ZPLD1: variants seen among roughly 807,000 people sequenced by gnomAD.
ZPLD1 encodes the protein zona pellucida like domain containing 1, also known as zona pellucida-like domain-containing protein 1.
Under a neutral mutation model 47.2 loss-of-function variants are expected in ZPLD1, and 34 were observed. The ratio of observed to expected loss-of-function variants is 0.72; its 90% CI spans 0.55 to 0.96. The LOEUF is 0.96. Ranked by LOEUF, ZPLD1 falls within the 40% of genes least tolerant of loss-of-function variation. The probability of loss-of-function intolerance (pLI) is 0.00; values close to 1 mark genes in which losing one functional copy is unlikely to be tolerated. For synonymous variants in ZPLD1, 176 were observed against 186.2 expected, an observed-to-expected ratio of 0.95 and a Z score of 0.45; for missense variants, 512 against 505.8, an observed-to-expected ratio of 1.01 and a Z score of -0.12.
intron 1 of ZPLD1, 111 bp downstream of exon 1, chr3:102,435,265 G>A (rs941276749): frequency 7.4e-6 from 9 of 1,214,992 alleles, no homozygotes; most frequent in Non-Finnish European, 1.1e-5. Flanking sequence ...CAAGACTATA[G>A]AGATTCAAAA....
At chr3:102,433,089 T>C (rs1248352212), upstream of ZPLD1, among the ~76,000 whole-genome samples, 1 of 152,206 alleles carries the variant, frequency 6.6e-6, no homozygotes, top group Non-Finnish European at 1.5e-5. Flanking sequence ...ATAAAAATTT[T>C]TCTGATTGCT....
intron 7 of ZPLD1, among the ~76,000 whole-genome samples, chr3:102,408,780 T>A (rs572853151): frequency 6.6e-6 from 1 of 152,004 alleles, no homozygotes; most frequent in East Asian, 1.9e-4. Context: ...CCCTTTTCAC[T>A]GTTTGACGTT....
At chr3:102,398,508 A>G (rs1706582029) in intron 7 of ZPLD1, among the ~76,000 whole-genome samples, 1 of 152,110 alleles carries the variant, frequency 6.6e-6, no homozygotes, top group Non-Finnish European at 1.5e-5. Context: ...ATAATCTCCT[A>G]ACTGGCCTTT....
intron 7 of ZPLD1, among the ~76,000 whole-genome samples, chr3:102,398,498 A>G (rs1053398420): frequency 1.3e-5 from 2 of 152,108 alleles, no homozygotes; most frequent in Non-Finnish European, 2.9e-5. Context: ...GAAGAATGCA[A>G]TAATCTCCTA....
chr3:102,474,522 CTG>C (rs1442192141), intron 10 of ZPLD1, among the ~76,000 whole-genome samples: 2 of 152,002 alleles, frequency 1.3e-5, no homozygotes, highest in African/African-American at 4.8e-5. Context: ...GAACGTAACA[CTG>C]TGAAAAGTAA....
intron 7 of ZPLD1, among the ~76,000 whole-genome samples, chr3:102,417,230 C>T (rs1706819524): frequency 6.6e-6 from 1 of 151,908 alleles, no homozygotes; most frequent in Non-Finnish European, 1.5e-5. Context: ...AAATGGCAGA[C>T]GGAGTAATAT....
At chr3:102,454,558 G>T (rs529530812) in intron 4 of ZPLD1, among the ~76,000 whole-genome samples, 1 of 152,090 alleles carries the variant, frequency 6.6e-6, no homozygotes, top group Non-Finnish European at 1.5e-5. Flanking sequence ...GAATAAGTCC[G>T]CTATAAAAAT....
chr3:102,472,242 A>T (rs1707696192), intron 10 of ZPLD1, among the ~76,000 whole-genome samples: 1 of 152,148 alleles, frequency 6.6e-6, no homozygotes, highest in Non-Finnish European at 1.5e-5. Flanking sequence ...CTTAAAAATG[A>T]CTGGTTTGGC....
chr3:102,425,534 A>G (rs1706934838), intron 8 of ZPLD1, among the ~76,000 whole-genome samples: 1 of 152,076 alleles, frequency 6.6e-6, no homozygotes, highest in Non-Finnish European at 1.5e-5. Context: ...TTTTCTTTTG[A>G]CAGAGATCAT....
intron 7 of ZPLD1, among the ~76,000 whole-genome samples, chr3:102,413,190 G>A (rs1237878074): frequency 6.6e-6 from 1 of 151,636 alleles, no homozygotes; most frequent in East Asian, 1.9e-4. Context: ...TCATTCTACA[G>A]TTCACACTAA....
At chr3:102,403,931 T>G (rs191749516) in intron 7 of ZPLD1, among the ~76,000 whole-genome samples, 2 of 152,156 alleles carry the variant, frequency 1.3e-5, no homozygotes. Flanking sequence ...ACAGTATTTC[T>G]TTCCTCTGTT....
chr3:102,390,548 A>G (rs1323234057), intron 6 of ZPLD1, among the ~76,000 whole-genome samples: 1 of 152,244 alleles, frequency 6.6e-6, no homozygotes, highest in African/African-American at 2.4e-5. Context: ...TCACCCTATC[A>G]ATTCAACATG....
chr3:102,392,437 T>C (rs1706506295), intron 7 of ZPLD1, among the ~76,000 whole-genome samples: 1 of 152,108 alleles, frequency 6.6e-6, no homozygotes, highest in Admixed American at 6.5e-5. Context: ...GGGAACCCTC[T>C]ATAGAGTTCC....
intron 10 of ZPLD1, among the ~76,000 whole-genome samples, chr3:102,474,094 T>C (rs1276295077): frequency 6.6e-6 from 1 of 152,230 alleles, no homozygotes; most frequent in Non-Finnish European, 1.5e-5. Context: ...TGGATATTTT[T>C]TACCCAACAT....
upstream of ZPLD1, among the ~76,000 whole-genome samples, chr3:102,433,693 A>AT (rs1023661524): frequency 3.3e-5 from 5 of 151,802 alleles, no homozygotes; most frequent in Non-Finnish European, 4.4e-5. Flanking sequence ...CGCCCGGCTA[A>AT]TTTTTTTGTA....
chr3:102,415,097 G>GCTGAGTCT (rs1706790073), intron 7 of ZPLD1, among the ~76,000 whole-genome samples: 1 of 151,784 alleles, frequency 6.6e-6, no homozygotes, highest in Admixed American at 6.6e-5. Flanking sequence ...TTCAAGTGTG[G>GCTGAGTCT]CTGAGTCTGT....
At chr3:102,410,802 C>T (rs944233685) in intron 7 of ZPLD1, among the ~76,000 whole-genome samples, 3 of 151,748 alleles carry the variant, frequency 2.0e-5, no homozygotes, top group Non-Finnish European at 4.4e-5. Context: ...GAATGGATTT[C>T]TTGTTCATGA....
chr3:102,460,310 A>C (rs1707486981), intron 6 of ZPLD1, among the ~76,000 whole-genome samples: 1 of 152,032 alleles, frequency 6.6e-6, no homozygotes, highest in South Asian at 2.1e-4. Context: ...GAAAAGTTGC[A>C]CTCAGTTCGA....
intron 7 of ZPLD1, among the ~76,000 whole-genome samples, chr3:102,397,482 C>A (rs561268780): frequency 6.6e-6 from 1 of 152,014 alleles, no homozygotes; most frequent in Non-Finnish European, 1.5e-5. Context: ...AGTACTGCCC[C>A]GCTGCTCAAA....
Sources: gnomAD v4.1 joint callset for allele counts (sites outside exome capture counted in the v4.1 genomes callset) on GRCh38, gnomAD v4.1.1 for gene constraint, MANE v1.5 for transcripts, NCBI Gene and HGNC (gene_info 2026-07-23, HGNC 2026-07-21) for gene names.